CNTNAP4: variants seen among roughly 807,000 people sequenced by gnomAD.
The protein encoded by CNTNAP4 is contactin-associated protein-like 4.
A neutral mutation model predicts 148.4 loss-of-function variants in CNTNAP4; 98 were observed. That is an observed-to-expected ratio of 0.66 (90% confidence interval 0.56 to 0.78). The LOEUF (loss-of-function observed/expected upper bound fraction) is 0.78. Among genes scored for constraint, CNTNAP4 ranks in the 30% least tolerant of loss-of-function variants. CNTNAP4 has a pLI of 0.00. For missense variants in CNTNAP4, 1,935 were observed against 1,565.6 expected, an observed-to-expected ratio of 1.24 and a Z score of -3.98; for synonymous variants, 730 against 565.1, an observed-to-expected ratio of 1.29 and a Z score of -4.14.
intron 10 of CNTNAP4, among the ~76,000 whole-genome samples, chr16:76,473,846 T>TTTTG (rs1568317317): frequency 2.9e-4 from 2 of 6,826 alleles, no homozygotes; most frequent in African/African-American, 3.1e-4. Context: ...GTAGGTTTTT[T>TTTTG]TTTTGTTTTG....
At chr16:76,496,168 T>A (rs1465099176) in intron 14 of CNTNAP4, among the ~76,000 whole-genome samples, 2 of 151,656 alleles carry the variant, frequency 1.3e-5, no homozygotes, top group African/African-American at 4.8e-5. Context: ...TGAAGAATAT[T>A]GTCTCTCTTA....
At position 76,553,467 on chromosome 16, in the gene CNTNAP4, T is replaced by G. The variant is rs780993251; in HGVS notation, c.3627T>G (p.Asp1209Glu). Residue 1209 changes from aspartate to glutamate, a missense_variant, in exon 22 of 24, where the codon GAT becomes GAG. Physicochemically the swap from Asp to Glu is conservative, Grantham distance 45. Coordinates refer to ENST00000611870, the MANE Select transcript of CNTNAP4 (RefSeq NM_033401.5). The part of the protein sequence containing the change: ...ESSCMAQPGT[D>E]ATSRERTHSF... ...GCTGTATGGCCCAGCCTGGCACTGATGCCACATCAAGGGAAAGGACACACT... is the reference window on the plus strand; with the variant it reads ...GCTGTATGGCCCAGCCTGGCACTGAGGCCACATCAAGGGAAAGGACACACT... 2 of 1,612,398 alleles carry G rather than the reference T, an allele frequency of 1.2e-6. No individual in the cohort carries two copies. The highest frequency in any genetic ancestry group is 1.1e-5 in the South Asian group (1 of 90,566).
chr16:76,359,278 A>G (rs2013106774), intron 3 of CNTNAP4, among the ~76,000 whole-genome samples: 1 of 152,182 alleles, frequency 6.6e-6, no homozygotes, highest in African/African-American at 2.4e-5. Flanking sequence ...TCTGCTCCAC[A>G]TGATGCAAAT....
chr16:76,550,678 GA>G (rs34188706), intron 21 of CNTNAP4, among the ~76,000 whole-genome samples: 177 of 149,256 alleles, frequency 1.2e-3, no homozygotes, highest in Non-Finnish European at 2.0e-3. Flanking sequence ...AAAGTAAAAA[GA>G]AAAAAAAAAC....
intron 3 of CNTNAP4, among the ~76,000 whole-genome samples, chr16:76,408,553 C>T (rs1310303767): frequency 6.6e-6 from 1 of 151,942 alleles, no homozygotes; most frequent in Non-Finnish European, 1.5e-5. Flanking sequence ...TGCCCATGAT[C>T]TGTATTATTT....
chr16:76,456,941 A>T (rs75431459), intron 8 of CNTNAP4, among the ~76,000 whole-genome samples: 1 of 152,244 alleles, frequency 6.6e-6, no homozygotes, highest in African/African-American at 2.4e-5. Flanking sequence ...GATAAGTTAT[A>T]GTGAAGATTA....
At chr16:76,289,631 G>A (rs1316171293) in intron 1 of CNTNAP4, among the ~76,000 whole-genome samples, 1 of 150,994 alleles carries the variant, frequency 6.6e-6, no homozygotes, top group Admixed American at 6.6e-5. Context: ...GGATTGCAGT[G>A]GCACAATCTC....
At position 76,364,449 on chromosome 16, in the gene CNTNAP4, C is replaced by A. The variant is rs1169709002; in HGVS notation, c.390+8938C>A. 2.0e-5 allele frequency among the ~76,000 whole-genome samples: 3 copies of A among 152,020 alleles called. No individual in the cohort carries two copies. In the East Asian group the frequency reaches 5.8e-4, roughly 29 times the overall value. ...CTCTTCAGAGTGTACACCCCCATTC[C>A]AGTTCATTTTCAAATAATCAACCTG... On this transcript the variant is annotated intron_variant, in intron 3 of 23. Transcript: ENST00000611870.
chr16:76,464,258 C>T (rs144352048), intron 9 of CNTNAP4, among the ~76,000 whole-genome samples: 1 of 152,278 alleles, frequency 6.6e-6, no homozygotes, highest in East Asian at 1.9e-4. Context: ...GTGGACACAT[C>T]ATCTTTTCTT....
At chr16:76,282,084 A>C (rs562566310) in intron 1 of CNTNAP4, among the ~76,000 whole-genome samples, 1 of 151,932 alleles carries the variant, frequency 6.6e-6, no homozygotes, top group Non-Finnish European at 1.5e-5. Flanking sequence ...AAAGTGTATA[A>C]ATTATACTTC....
chr16:76,352,763 G>T (rs1332325467), intron 2 of CNTNAP4, among the ~76,000 whole-genome samples: 1 of 152,168 alleles, frequency 6.6e-6, no homozygotes, highest in Non-Finnish European at 1.5e-5. Context: ...CATTGATTCA[G>T]ATTTTAAAAT....
Position 76,398,394 on chromosome 16 carries a change from C to T in CNTNAP4, c.391-29058C>T, listed in dbSNP as rs138960312. On this transcript the variant is annotated intron_variant, in intron 3 of 23. Coordinates refer to ENST00000611870, the MANE Select transcript of CNTNAP4 (RefSeq NM_033401.5). ...ACCATCACAATACATGAGAATCATC[C>T]AAAGGCTTGTTAAGTGTTGCGTGAT... is the stretch of plus-strand genomic sequence containing the variant. Among the ~76,000 whole-genome samples, 179 of 152,142 alleles carry T rather than the reference C, an allele frequency of 1.2e-3. 1 individual carries two copies. Among genetic ancestry groups the T allele is most frequent in the African/African-American group, 4.1e-3 (170 of 41,524 alleles).
intron 12 of CNTNAP4, among the ~76,000 whole-genome samples, chr16:76,480,166 G>T (rs1026938494): frequency 3.3e-5 from 5 of 151,158 alleles, no homozygotes; most frequent in African/African-American, 1.2e-4. Context: ...TAAATATTGG[G>T]GAAAAAAAAG....
chr16:76,479,688 A>T, intron 12 of CNTNAP4, 150 bp downstream of exon 12: 1 of 761,734 alleles, frequency 1.3e-6, no homozygotes, highest in Admixed American at 3.4e-5. Flanking sequence ...AAATCTTAAA[A>T]AAATAATTAA....
At chr16:76,515,979 A>G (rs939544045) in intron 15 of CNTNAP4, among the ~76,000 whole-genome samples, 5 of 152,150 alleles carry the variant, frequency 3.3e-5, no homozygotes, top group Non-Finnish European at 5.9e-5. Flanking sequence ...GAATGTGCAG[A>G]TTTGTCACAT....
At chr16:76,512,170 C>T (rs2083052066) in intron 15 of CNTNAP4, among the ~76,000 whole-genome samples, 1 of 152,066 alleles carries the variant, frequency 6.6e-6, no homozygotes, top group Admixed American at 6.6e-5. Context: ...TGGTAGAAGT[C>T]AGAGAGAAAC....
intron 3 of CNTNAP4, among the ~76,000 whole-genome samples, chr16:76,389,737 A>G (rs953100464): frequency 3.3e-5 from 5 of 152,084 alleles, no homozygotes; most frequent in African/African-American, 1.2e-4. Context: ...AAGTGCTGGG[A>G]TTACGGGCGT....
At chr16:76,492,147 G>A (rs1018589432) in intron 13 of CNTNAP4, among the ~76,000 whole-genome samples, 3 of 152,026 alleles carry the variant, frequency 2.0e-5, no homozygotes, top group Non-Finnish European at 4.4e-5. Context: ...GTACAAATTT[G>A]CAGTTGTAAG....
chr16:76,361,643 G>A (rs766074214), intron 3 of CNTNAP4, among the ~76,000 whole-genome samples: 6 of 152,172 alleles, frequency 3.9e-5, no homozygotes, highest in Non-Finnish European at 7.3e-5. Context: ...GTCTCTTTGA[G>A]ATCCTGATTT....
Sources: allele counts gnomAD v4.1 joint callset (sites outside exome capture counted in the v4.1 genomes callset), GRCh38; gene constraint gnomAD v4.1.1; transcripts MANE v1.5; gene names NCBI Gene and HGNC (gene_info 2026-07-23, HGNC 2026-07-21).